SDK1: variants seen among roughly 807,000 people sequenced by gnomAD.
The protein encoded by SDK1 is protein sidekick-1.
In SDK1, 157 loss-of-function variants were observed where a neutral mutation model predicts 245.5. The observed-to-expected ratio is 0.64, with a 90% CI of 0.56 to 0.73. The LOEUF is 0.73. SDK1 is among the 30% of genes least tolerant of loss of function. The pLI is 0.00. For missense variants in SDK1, 3,583 were observed against 3,002.3 expected, an observed-to-expected ratio of 1.19 and a Z score of -4.52; for synonymous variants, 1,647 against 1,278.5, an observed-to-expected ratio of 1.29 and a Z score of -6.15.
intron 40 of SDK1, among the ~76,000 whole-genome samples, chr7:4,223,753 AGTG>A (rs1231314184): frequency 1.3e-5 from 2 of 152,312 alleles, no homozygotes; most frequent in East Asian, 3.9e-4. Flanking sequence ...ATGAATTTGC[AGTG>A]GGGGGCAGAG....
chr7:3,627,697 G>T (rs577585048), intron 2 of SDK1, among the ~76,000 whole-genome samples: 1 of 152,208 alleles, frequency 6.6e-6, no homozygotes, highest in Non-Finnish European at 1.5e-5. Flanking sequence ...CATAGCCTCA[G>T]TCCTTGCCAA....
intron 4 of SDK1, among the ~76,000 whole-genome samples, chr7:3,791,810 C>T (rs1418411186): frequency 1.3e-5 from 2 of 152,154 alleles, no homozygotes; most frequent in Non-Finnish European, 2.9e-5. Context: ...CAAAGCTCCT[C>T]AGTACCTGGC....
intron 4 of SDK1, among the ~76,000 whole-genome samples, chr7:3,797,136 A>T (rs754935049): frequency 1.6e-4 from 24 of 151,936 alleles, no homozygotes; most frequent in Non-Finnish European, 2.8e-4. Context: ...TCTCACAAGT[A>T]CCTGGGACTA....
intron 1 of SDK1, among the ~76,000 whole-genome samples, chr7:3,368,684 C>G (rs1364155993): frequency 1.3e-5 from 2 of 152,146 alleles, no homozygotes; most frequent in Non-Finnish European, 2.9e-5. Context: ...ATTTTCACTT[C>G]TAGAAGTGAG....
At chr7:3,374,943 T>C (rs1386208701) in intron 1 of SDK1, among the ~76,000 whole-genome samples, 2 of 152,232 alleles carry the variant, frequency 1.3e-5, no homozygotes, top group Non-Finnish European at 2.9e-5. Context: ...ACAGACTGTG[T>C]CTCTTTAGTT....
chr7:3,712,443 C>A (rs1420201319), intron 4 of SDK1, among the ~76,000 whole-genome samples: 1 of 152,148 alleles, frequency 6.6e-6, no homozygotes, highest in Admixed American at 6.5e-5. Flanking sequence ...ATAACGATTT[C>A]ATTATGTATT....
In SDK1 at chr7:3,738,961, G is replaced by T. The variant is rs535582963; in HGVS notation, c.714-82489G>T. On this transcript the variant is annotated intron_variant, in intron 4 of 44. Coordinates refer to ENST00000404826, the MANE Select transcript of SDK1 (RefSeq NM_152744.4). ...TCTATGTATAAGATCAATTATTTTT[G>T]TTTTTTTGTTTTTTTAAAATATTTC... Among the ~76,000 whole-genome samples, 443 of 146,760 alleles carry T rather than the reference G, an allele frequency of 3.0e-3. 3 individuals are homozygous for T. Among genetic ancestry groups the T allele is most frequent in the African/African-American group, 0.011 (424 of 38,042 alleles).
rs1200546715 is a variant in SDK1, at chr7:4,078,578, TAGTG to T, written c.3203-882_3203-879del. ...AAATGAGGAAAGCATTCCTCAGAGA[TAGTG>T]AGGTCTGAAAGCTGCCCTAGCCTTG... is the stretch of plus-strand genomic sequence containing the variant. On this transcript the variant is annotated intron_variant, in intron 21 of 44. Transcript: ENST00000404826. Among the ~76,000 whole-genome samples, 4 of 152,278 alleles carry T rather than the reference TAGTG, an allele frequency of 2.6e-5. No homozygotes were observed. The East Asian group carries it at 7.7e-4, about 29-fold the overall frequency.
At chr7:3,497,187 C>A (rs756251664) in intron 1 of SDK1, among the ~76,000 whole-genome samples, 4 of 152,158 alleles carry the variant, frequency 2.6e-5, no homozygotes, top group Non-Finnish European at 5.9e-5. Context: ...AATGCTCCAA[C>A]AAGGCTGTTA....
intron 4 of SDK1, among the ~76,000 whole-genome samples, chr7:3,762,158 C>A (rs1055773267): frequency 6.6e-6 from 1 of 152,164 alleles, no homozygotes; most frequent in Non-Finnish European, 1.5e-5. Context: ...CTATTGAAAT[C>A]TAAATACTCC....
intron 4 of SDK1, among the ~76,000 whole-genome samples, chr7:3,764,705 A>C (rs904173087): frequency 6.6e-6 from 1 of 152,132 alleles, no homozygotes; most frequent in African/African-American, 2.4e-5. Context: ...ATCTAAAAAA[A>C]AATAATCATC....
At chr7:4,140,190 T>C (rs1451116691) in intron 28 of SDK1, among the ~76,000 whole-genome samples, 1 of 152,216 alleles carries the variant, frequency 6.6e-6, no homozygotes, top group Non-Finnish European at 1.5e-5. Flanking sequence ...AGCCTGCACC[T>C]CACAGGCTGC....
intron 35 of SDK1, among the ~76,000 whole-genome samples, chr7:4,201,896 A>T (rs1476557815): frequency 6.6e-6 from 1 of 152,184 alleles, no homozygotes; most frequent in Admixed American, 6.5e-5. Flanking sequence ...GCAAGAGTGG[A>T]CACCTGGCAC....
rs1325485889 is a variant in SDK1, at chr7:3,821,564, C to G, written c.828C>G (p.Phe276Leu). The G allele has an allele frequency of 1.2e-6, 2 of 1,613,806 alleles. No individual in the cohort carries two copies. Among genetic ancestry groups the G allele is most frequent in the Admixed American group, 3.3e-5 (2 of 59,982 alleles). Residue 276 changes from phenylalanine (F) to leucine (L), a missense_variant, in exon 5 of 45, where the codon TTC becomes TTG. Transcript: ENST00000404826. ...EKNGENKTSP[F>L]IHLSIARDVG... The stretch of plus-strand genomic sequence containing the variant: ...ATGGAGAAAACAAGACAAGCCCATT[C>G]ATTCATTTGAGCATAGCAAGTGAGT...
intron 13 of SDK1, among the ~76,000 whole-genome samples, chr7:3,982,527 C>T (rs1783491427): frequency 6.6e-6 from 1 of 152,180 alleles, no homozygotes; most frequent in Admixed American, 6.5e-5. Flanking sequence ...GGAAAGGATT[C>T]ACCATTCTAG....
intron 28 of SDK1, among the ~76,000 whole-genome samples, chr7:4,137,242 C>T (rs554497449): frequency 6.6e-6 from 1 of 152,226 alleles, no homozygotes; most frequent in Non-Finnish European, 1.5e-5. Context: ...TTGCAGTGAG[C>T]CAAGATCGTG....
At position 4,149,976 on chromosome 7, in the gene SDK1, A is replaced by AATCCGTCCACTC. The variant is rs141278490; in HGVS notation, c.4625+515_4625+526dup. Among the ~76,000 whole-genome samples the AATCCGTCCACTC allele has an allele frequency of 5.1e-3, 782 of 152,228 alleles. 9 individuals carry two copies. The highest frequency in any genetic ancestry group is 0.018 in the African/African-American group (740 of 41,534). On this transcript the variant is annotated intron_variant, in intron 30 of 44. Coordinates refer to ENST00000404826, the MANE Select transcript of SDK1 (RefSeq NM_152744.4). ...GAGGGCATGCCTAGGACACGACTAG[A>AATCCGTCCACTC]ATCCGTCCACTCACTCAGTTGTTTA...
At chr7:3,416,276 G>C (rs1476649249) in intron 1 of SDK1, among the ~76,000 whole-genome samples, 1 of 152,038 alleles carries the variant, frequency 6.6e-6, no homozygotes, top group African/African-American at 2.4e-5. Context: ...AAAAGTTTTT[G>C]CCGTTCAGGG....
chr7:4,205,632 G>A (rs746802338), intron 35 of SDK1, among the ~76,000 whole-genome samples: 3 of 152,202 alleles, frequency 2.0e-5, no homozygotes, highest in Non-Finnish European at 4.4e-5. Flanking sequence ...TAAGAACATC[G>A]TATGGGAAGG....
Sources: allele counts gnomAD v4.1 joint callset (sites outside exome capture counted in the v4.1 genomes callset), GRCh38; gene constraint gnomAD v4.1.1; transcripts MANE v1.5; gene names NCBI Gene and HGNC (gene_info 2026-07-23, HGNC 2026-07-21).